The following ASIC2 variants were observed in gnomAD, a reference collection of about 807,000 sequenced individuals.
ASIC2 encodes the protein acid-sensing ion channel 2.
Under a neutral mutation model 57.3 loss-of-function variants are expected in ASIC2, and 25 were observed. That is an observed-to-expected ratio of 0.44 (90% CI 0.32 to 0.61). ASIC2 has a LOEUF of 0.61. ASIC2 is among the 20% of genes least tolerant of loss of function. The probability of loss-of-function intolerance (pLI) is 0.06; values close to 1 mark genes in which losing one functional copy is unlikely to be tolerated. For synonymous variants in ASIC2, 319 were observed against 307.5 expected, an observed-to-expected ratio of 1.04 and a Z score of -0.39; for missense variants, 641 against 738.1, an observed-to-expected ratio of 0.87 and a Z score of 1.52.
chr17:33,795,325 C>A (rs1490927), intron 1 of ASIC2, among the ~76,000 whole-genome samples: 123,259 of 152,250 alleles, frequency 0.81, 50,237 homozygotes, highest in African/African-American at 0.84. Context: ...TTGAAAATCT[C>A]CTTCAACTCC....
At chr17:33,685,649 G>A (rs1908162109) in intron 1 of ASIC2, among the ~76,000 whole-genome samples, 1 of 152,152 alleles carries the variant, frequency 6.6e-6, no homozygotes, top group Non-Finnish European at 1.5e-5. Flanking sequence ...GAAGGAGGCC[G>A]GCAGACTTGG....
At chr17:33,652,663 C>A (rs1039699939) in intron 1 of ASIC2, among the ~76,000 whole-genome samples, 2 of 152,196 alleles carry the variant, frequency 1.3e-5, no homozygotes. Flanking sequence ...CTGAGAAAGC[C>A]GGGGCCAGTC....
intron 3 of ASIC2, among the ~76,000 whole-genome samples, chr17:33,080,535 G>A (rs2092109006): frequency 1.3e-5 from 2 of 151,180 alleles, no homozygotes; most frequent in African/African-American, 4.9e-5. Context: ...TATGTATCAT[G>A]TTTTTTTTTC....
chr17:33,409,097 C>A (rs897466858), intron 1 of ASIC2, among the ~76,000 whole-genome samples: 9 of 152,116 alleles, frequency 5.9e-5, no homozygotes, highest in African/African-American at 2.2e-4. Context: ...CGCATGTAGT[C>A]CCAGTTGCTA....
intron 1 of ASIC2, among the ~76,000 whole-genome samples, chr17:33,753,297 TG>T (rs1402495654): frequency 6.6e-6 from 1 of 151,002 alleles, no homozygotes; most frequent in East Asian, 1.9e-4. Context: ...TGCCATGGAT[TG>T]GGGGAAGAAA....
At chr17:34,123,494 C>A (rs905832326) in intron 1 of ASIC2, among the ~76,000 whole-genome samples, 6 of 152,138 alleles carry the variant, frequency 3.9e-5, no homozygotes, top group Admixed American at 3.9e-4. Flanking sequence ...AGTGGGGGTA[C>A]CCTGGGAGTC....
At chr17:33,211,536 G>GA (rs10717410) in intron 1 of ASIC2, among the ~76,000 whole-genome samples, 14,992 of 126,566 alleles carry the variant, frequency 0.12, 1,185 homozygotes, top group African/African-American at 0.24. Context: ...CTCTTTAAAT[G>GA]AAAAAAAAAA....
chr17:33,553,094 C>T (rs866066414), intron 1 of ASIC2, among the ~76,000 whole-genome samples: 1 of 152,108 alleles, frequency 6.6e-6, no homozygotes, highest in Admixed American at 6.5e-5. Context: ...GGCAATCCTC[C>T]CCTACCCTGG....
intron 1 of ASIC2, among the ~76,000 whole-genome samples, chr17:33,748,222 C>T (rs767791573): frequency 6.6e-6 from 1 of 152,240 alleles, no homozygotes; most frequent in Non-Finnish European, 1.5e-5. Flanking sequence ...CTCCTGGTGC[C>T]TGCTTCCCTG....
At chr17:33,818,095 A>G (rs1264283273) in intron 1 of ASIC2, among the ~76,000 whole-genome samples, 1 of 152,174 alleles carries the variant, frequency 6.6e-6, no homozygotes, top group African/African-American at 2.4e-5. Context: ...TCTCTTCATC[A>G]GCGCAGCCAT....
intron 1 of ASIC2, among the ~76,000 whole-genome samples, chr17:33,245,409 AT>A (rs1235063384): frequency 6.6e-6 from 1 of 152,194 alleles, no homozygotes; most frequent in Non-Finnish European, 1.5e-5. Flanking sequence ...ATTTTCATTC[AT>A]TCAACAGCTG....
intron 1 of ASIC2, among the ~76,000 whole-genome samples, chr17:33,396,197 C>A (rs556580561): frequency 6.6e-6 from 1 of 152,272 alleles, no homozygotes; most frequent in South Asian, 2.1e-4. Flanking sequence ...AGTGCCTTGG[C>A]CAAGGATGTG....
At chr17:34,109,710 ATTGGCCATTAAGCC>A (rs1287965383) in intron 1 of ASIC2, among the ~76,000 whole-genome samples, 2 of 152,130 alleles carry the variant, frequency 1.3e-5, no homozygotes, top group African/African-American at 4.8e-5. Flanking sequence ...TCATGTGTAT[ATTGGCCATTAAGCC>A]TTCCTCATTG....
intron 1 of ASIC2, chr17:34,006,219 T>C (rs1307077166): frequency 6.6e-6 from 1 of 152,272 alleles, no homozygotes; most frequent in African/African-American, 2.4e-5. Flanking sequence ...TGTTTAGGAT[T>C]TGAAGGAGCC....
Position 33,291,555 on chromosome 17 carries a change from C to A in ASIC2, c.561G>T (p.Lys187Asn). 6.2e-7 allele frequency: 1 copy of A among 1,611,938 alleles called. No homozygotes were observed. The highest frequency in any genetic ancestry group is 8.5e-7 in the Non-Finnish European group (1 of 1,179,452). Residue 187 changes from lysine (K) to asparagine (N), a missense_variant, in exon 1 of 10, where the codon AAG becomes AAT. Physicochemically the swap from Lys to Asn is moderately conservative, Grantham distance 94. Coordinates refer to ENST00000225823, the MANE Select transcript of ASIC2 (RefSeq NM_183377.2). The part of the protein sequence containing the change: ...GDEPRRQWFR[K>N]LADFRLFLPP... ...GCAGGAAGAGGCGGAAGTCCGCCAG[C>A]TTGCGGAACCACTGGCGGCGCGGCT...
chr17:33,447,342 C>G (rs1912064847), intron 1 of ASIC2, among the ~76,000 whole-genome samples: 2 of 152,140 alleles, frequency 1.3e-5, no homozygotes, highest in Non-Finnish European at 2.9e-5. Flanking sequence ...AGAGATACCA[C>G]TAATCAGGAG....
chr17:34,033,598 G>T, intron 1 of ASIC2, among the ~76,000 whole-genome samples: 1 of 152,080 alleles, frequency 6.6e-6, no homozygotes, highest in East Asian at 1.9e-4. Context: ...AAAGATCAAC[G>T]AAATTGATAG....
At chr17:33,485,145 T>C (rs557562037) in intron 1 of ASIC2, among the ~76,000 whole-genome samples, 113 of 152,370 alleles carry the variant, frequency 7.4e-4, no homozygotes, top group Non-Finnish European at 1.2e-3. Context: ...GATTTGATCT[T>C]AGGTCCAAGC....
At chr17:33,233,805 C>T (rs1597643095) in intron 1 of ASIC2, among the ~76,000 whole-genome samples, 3 of 152,270 alleles carry the variant, frequency 2.0e-5, no homozygotes, top group Admixed American at 2.0e-4. Flanking sequence ...CATAAACAGA[C>T]ACACACACAG....
Sources: gnomAD v4.1 joint callset for allele counts (sites outside exome capture counted in the v4.1 genomes callset) on GRCh38, gnomAD v4.1.1 for gene constraint, MANE v1.5 for transcripts, NCBI Gene and HGNC (gene_info 2026-07-23, HGNC 2026-07-21) for gene names.